Variants in ARMC3 observed in about 807,000 individuals in gnomAD.
ARMC3 encodes the protein armadillo repeat-containing protein 3.
ARMC3 carries 74 observed loss-of-function variants against 90.3 expected under a neutral mutation model. That is an observed-to-expected ratio of 0.82 (90% CI 0.68 to 0.99). The LOEUF (loss-of-function observed/expected upper bound fraction) is 0.99, where lower values mean the gene tolerates loss of function less well. ARMC3 is among the 50% of genes least tolerant of loss of function. The pLI, the probability that ARMC3 is intolerant of heterozygous loss-of-function variation, is 0.00. For missense variants in ARMC3, 958 were observed against 1,042.8 expected (o/e 0.92, Z 1.12); for synonymous variants, 334 against 361.8 (o/e 0.92, Z 0.87).
At chr10:22,940,087 T>C (rs539456327) in intron 2 of ARMC3, among the ~76,000 whole-genome samples, 4 of 152,210 alleles carry the variant, frequency 2.6e-5, no homozygotes, top group Non-Finnish European at 5.9e-5. Flanking sequence ...AAAAAAGATA[T>C]ATACCATGCA....
chr10:22,990,786 T>C (rs1349643122), intron 10 of ARMC3, among the ~76,000 whole-genome samples: 1 of 152,096 alleles, frequency 6.6e-6, no homozygotes, highest in Non-Finnish European at 1.5e-5. Flanking sequence ...CTTCTCCACA[T>C]TTTCCCCACC....
At chr10:22,931,270 T>A (rs111836537) in intron 1 of ARMC3, among the ~76,000 whole-genome samples, 19 of 152,330 alleles carry the variant, frequency 1.2e-4, no homozygotes, top group African/African-American at 4.6e-4. Flanking sequence ...CTGTGGTATG[T>A]TAACTATGTA....
chr10:22,991,090 T>C (rs1044711211), intron 10 of ARMC3, among the ~76,000 whole-genome samples: 1 of 152,180 alleles, frequency 6.6e-6, no homozygotes, highest in Non-Finnish European at 1.5e-5. Flanking sequence ...TTTGTTTTCC[T>C]GAAAATACTA....
At chr10:22,997,083 C>T (rs888666659) in intron 10 of ARMC3, among the ~76,000 whole-genome samples, 2 of 152,152 alleles carry the variant, frequency 1.3e-5, no homozygotes, top group Non-Finnish European at 2.9e-5. Context: ...TTTTGGGTCT[C>T]CCTTTAAAAT....
intron 12 of ARMC3, among the ~76,000 whole-genome samples, chr10:23,002,937 A>G (rs1332126709): frequency 6.6e-6 from 1 of 152,180 alleles, no homozygotes; most frequent in Non-Finnish European, 1.5e-5. Flanking sequence ...GCTTCTTTGC[A>G]TATATTGTCT....
At chr10:23,008,722 G>C in intron 15 of ARMC3, 93 bp from the exon 16 acceptor site, 1 of 1,048,666 alleles carries the variant, frequency 9.5e-7, no homozygotes, top group East Asian at 2.5e-5. Flanking sequence ...GTATAATGAA[G>C]TAAAAATGCC....
At chr10:22,986,097 C>G (rs1453583586) in intron 10 of ARMC3, among the ~76,000 whole-genome samples, 1 of 148,646 alleles carries the variant, frequency 6.7e-6, no homozygotes, top group South Asian at 2.2e-4. Flanking sequence ...ACCCCCACAC[C>G]CCTGCACTGC....
At position 23,032,853 on chromosome 10, in the gene ARMC3, T is replaced by C; in HGVS notation, c.2247-8T>C. Reference sequence around the variant, plus strand: ...TTGACCGATTTGATCTCAATGTAATTGACACAGGTATGTAGCAGAAAAAAT... The same window carrying C: ...TTGACCGATTTGATCTCAATGTAATCGACACAGGTATGTAGCAGAAAAAAT... On this transcript the variant is annotated splice_region_variant and splice_polypyrimidine_tract_variant and intron_variant, in intron 17 of 18. Coordinates refer to ENST00000298032, the MANE Select transcript of ARMC3 (RefSeq NM_173081.5). 6.2e-7 allele frequency: 1 copy of C among 1,608,264 alleles called. No homozygotes were observed. The highest frequency in any genetic ancestry group is 8.5e-7 in the Non-Finnish European group (1 of 1,177,270).
At chr10:23,027,829 T>C (rs1410030013) in intron 16 of ARMC3, among the ~76,000 whole-genome samples, 1 of 150,682 alleles carries the variant, frequency 6.6e-6, no homozygotes. Context: ...TGAGTGTCTG[T>C]CAACTGTTTT....
intron 10 of ARMC3, among the ~76,000 whole-genome samples, chr10:22,996,900 G>T (rs1226805881): frequency 6.6e-6 from 1 of 151,556 alleles, no homozygotes; most frequent in African/African-American, 2.4e-5. Flanking sequence ...ACAGGATGAT[G>T]GGCTGAATCA....
chr10:22,941,080 G>A (rs987647941), intron 2 of ARMC3, among the ~76,000 whole-genome samples: 9 of 152,104 alleles, frequency 5.9e-5, no homozygotes, highest in Admixed American at 2.0e-4. Flanking sequence ...CCACATGAAA[G>A]AAGCGTACAC....
chr10:23,011,211 A>T (rs1187084527), intron 16 of ARMC3, among the ~76,000 whole-genome samples: 1 of 152,188 alleles, frequency 6.6e-6, no homozygotes, highest in Non-Finnish European at 1.5e-5. Flanking sequence ...GCTGGCACTC[A>T]TAGGCATTCA....
At position 22,973,718 on chromosome 10, in the gene ARMC3, T is replaced by C. The variant is rs558546516; in HGVS notation, c.916+5229T>C. On this transcript the variant is annotated intron_variant, in intron 8 of 18. Transcript: ENST00000298032. ...ATGTTAGAAGTTTCCCACTATATTATTTTTATTTTCTCTTGTAATTTTTTC... is the reference window on the plus strand; with the variant it reads ...ATGTTAGAAGTTTCCCACTATATTACTTTTATTTTCTCTTGTAATTTTTTC... Among the ~76,000 whole-genome samples, 50 of 151,326 alleles carry C rather than the reference T, an allele frequency of 3.3e-4. 1 individual carries two copies. Among genetic ancestry groups the C allele is most frequent in the Admixed American group, 9.9e-4 (15 of 15,214 alleles).
Position 22,981,447 on chromosome 10 carries a change from G to A in ARMC3, c.1024G>A (p.Ala342Thr). 1 of 1,614,066 alleles carries A rather than the reference G, an allele frequency of 6.2e-7. No individual in the cohort carries two copies. Residue 342 changes from alanine (A) to threonine (T), a missense_variant, in exon 9 of 19, where the codon GCA (alanine) becomes ACA (threonine). By Grantham distance (58) the Ala-to-Thr change is moderately conservative. Coordinates refer to ENST00000298032, the MANE Select transcript of ARMC3 (RefSeq NM_173081.5). ...TKIAASQAIS[A>T]MCENSGSKDF... ...AATTGCTGCTTCCCAAGCTATTTCA[G>A]CAATGTGTGAGAATTCAGGCAGCAA...
intron 8 of ARMC3, among the ~76,000 whole-genome samples, chr10:22,968,866 A>T: frequency 6.6e-6 from 1 of 152,158 alleles, no homozygotes; most frequent in East Asian, 1.9e-4. Flanking sequence ...ACACTAGAGC[A>T]TTTGTCTGCT....
chr10:23,000,831 T>C (rs959845581), intron 11 of ARMC3, among the ~76,000 whole-genome samples: 1 of 152,240 alleles, frequency 6.6e-6, no homozygotes, highest in Non-Finnish European at 1.5e-5. Flanking sequence ...ACATTCAAGC[T>C]GGTAGAATAA....
chr10:22,992,582 AT>A (rs1342649661), intron 10 of ARMC3, among the ~76,000 whole-genome samples: 1 of 152,136 alleles, frequency 6.6e-6, no homozygotes, highest in Non-Finnish European at 1.5e-5. Context: ...CTTAAATAAT[AT>A]TTCTTTAAAA....
intron 15 of ARMC3, 23 bp from the exon 16 acceptor site, chr10:23,008,792 G>T: frequency 6.4e-7 from 1 of 1,573,114 alleles, no homozygotes; most frequent in Non-Finnish European, 8.7e-7. Flanking sequence ...GAAATTGGTT[G>T]TGGTTTTTTT....
At chr10:23,011,533 C>G (rs1838012871) in intron 16 of ARMC3, among the ~76,000 whole-genome samples, 1 of 152,202 alleles carries the variant, frequency 6.6e-6, no homozygotes, top group African/African-American at 2.4e-5. Flanking sequence ...TCCAACCATA[C>G]AAGGATATAA....
Sources: gnomAD v4.1 joint callset for allele counts (sites outside exome capture counted in the v4.1 genomes callset) on GRCh38, gnomAD v4.1.1 for gene constraint, MANE v1.5 for transcripts, NCBI Gene and HGNC (gene_info 2026-07-23, HGNC 2026-07-21) for gene names.